Variants in CTIF observed in about 807,000 individuals in gnomAD.
The protein encoded by CTIF is CBP80/20-dependent translation initiation factor.
CTIF carries 21 observed loss-of-function variants against 66.0 expected under a neutral mutation model. The observed-to-expected ratio is 0.32, with a 90% confidence interval of 0.23 to 0.46. The LOEUF (loss-of-function observed/expected upper bound fraction) is 0.46, where lower values mean the gene tolerates loss of function less well. Ranked by LOEUF, CTIF falls within the 20% of genes least tolerant of loss-of-function variation. The probability of loss-of-function intolerance (pLI) is 1.00; values close to 1 mark genes in which losing one functional copy is unlikely to be tolerated. For missense variants in CTIF, 739 were observed against 812.7 expected, an observed-to-expected ratio of 0.91 and a Z score of 1.10; for synonymous variants, 345 against 326.4, an observed-to-expected ratio of 1.06 and a Z score of -0.62.
intron 6 of CTIF, among the ~76,000 whole-genome samples, chr18:48,682,635 G>A (rs545562472): frequency 2.0e-5 from 3 of 152,320 alleles, no homozygotes; most frequent in South Asian, 4.1e-4. Flanking sequence ...TTTTTGGTTG[G>A]TTGGTTTTTA....
chr18:48,553,056 C>A (rs2088923792), intron 1 of CTIF, among the ~76,000 whole-genome samples: 1 of 152,218 alleles, frequency 6.6e-6, no homozygotes, highest in African/African-American at 2.4e-5. Context: ...CATTTGCCTA[C>A]ACCTGAGGGA....
Position 48,811,432 on chromosome 18 carries a change from A to C in CTIF, c.1372-5789A>C, listed in dbSNP as rs369040117. ...TATTTTTAATTGTAGTTTTAAAATA[A>C]CATAAAATATACTATTTCAAGCATT... On this transcript the variant is annotated intron_variant, in intron 9 of 11. Coordinates refer to ENST00000256413, the MANE Select transcript of CTIF (RefSeq NM_014772.3). Among the ~76,000 whole-genome samples the C allele has an allele frequency of 4.6e-5, 7 of 152,304 alleles. No individual in the cohort carries two copies. The East Asian group carries it at 1.3e-3, about 29-fold the overall frequency.
At chr18:48,855,458 G>A (rs1207643898) in intron 10 of CTIF, among the ~76,000 whole-genome samples, 1 of 152,252 alleles carries the variant, frequency 6.6e-6, no homozygotes, top group African/African-American at 2.4e-5. Context: ...TGAGTTAGAT[G>A]TTGGTTACTG....
chr18:48,544,205 T>C (rs954255697), intron 1 of CTIF, among the ~76,000 whole-genome samples: 1 of 152,230 alleles, frequency 6.6e-6, no homozygotes, highest in Non-Finnish European at 1.5e-5. Flanking sequence ...GGGGCTACTT[T>C]AATACGCTGC....
At chr18:48,602,234 G>T (rs1368308222) in intron 1 of CTIF, among the ~76,000 whole-genome samples, 1 of 152,184 alleles carries the variant, frequency 6.6e-6, no homozygotes, top group Non-Finnish European at 1.5e-5. Flanking sequence ...TAGCAGAAGG[G>T]CCAGAAGACA....
chr18:48,789,996 A>T (rs1008465475), intron 9 of CTIF, among the ~76,000 whole-genome samples: 3 of 152,172 alleles, frequency 2.0e-5, no homozygotes, highest in African/African-American at 7.2e-5. Flanking sequence ...TAGGTGTCTC[A>T]TCTATAAAAT....
intron 3 of CTIF, among the ~76,000 whole-genome samples, chr18:48,646,534 G>A (rs2091034676): frequency 6.6e-6 from 1 of 151,692 alleles, no homozygotes; most frequent in Admixed American, 6.6e-5. Context: ...ATTGCCTAAG[G>A]CCAGGAGTTC....
chr18:48,625,159 A>G, intron 2 of CTIF: 1 of 967,068 alleles, frequency 1.0e-6, no homozygotes, highest in Non-Finnish European at 1.2e-6. Flanking sequence ...CTGCCCTTAA[A>G]TTCATTTTTC....
chr18:48,646,344 C>T lies in CTIF; in HGVS notation c.252+9659C>T, dbSNP rs192035538. The stretch of plus-strand genomic sequence containing the variant: ...AAATATGCAACATCATTAGCCATGA[C>T]GGAGACGCAAATAAAACCCCAACAA... On this transcript the variant is annotated intron_variant, in intron 3 of 11. Coordinates refer to ENST00000256413, the MANE Select transcript of CTIF (RefSeq NM_014772.3). 2.1e-4 allele frequency among the ~76,000 whole-genome samples: 32 copies of T among 152,044 alleles called. No homozygotes were observed. In the East Asian group the frequency reaches 3.7e-3, roughly 17 times the overall value.
chr18:48,581,422 CCCATTTCTCTTTTTTT>C (rs1332140895), intron 1 of CTIF, among the ~76,000 whole-genome samples: 1 of 139,194 alleles, frequency 7.2e-6, no homozygotes, highest in Non-Finnish European at 1.5e-5. Context: ...GAGCTTTTTT[CCCATTTCTCTTTTTTT>C]CCATGGCCCA....
intron 6 of CTIF, among the ~76,000 whole-genome samples, chr18:48,699,022 C>T (rs903736754): frequency 2.6e-5 from 4 of 152,156 alleles, no homozygotes; most frequent in African/African-American, 4.8e-5. Context: ...CTCTGTCCCT[C>T]CAGCACCAAG....
At chr18:48,703,762 C>G (rs904652485) in intron 6 of CTIF, among the ~76,000 whole-genome samples, 1 of 152,226 alleles carries the variant, frequency 6.6e-6, no homozygotes, top group African/African-American at 2.4e-5. Context: ...GGGACTCCCC[C>G]TCCACCACCA....
chr18:48,611,969 G>A (rs913151343), intron 1 of CTIF, among the ~76,000 whole-genome samples: 14 of 152,188 alleles, frequency 9.2e-5, no homozygotes, highest in East Asian at 1.9e-4. Context: ...GGGATCAGAC[G>A]TTTAGAGGAC....
At chr18:48,566,437 G>A (rs1268233890) in intron 1 of CTIF, 2 of 152,284 alleles carry the variant, frequency 1.3e-5, no homozygotes, top group African/African-American at 4.8e-5. Context: ...GGGGAAGAGA[G>A]AGAAGGTAAA....
intron 7 of CTIF, among the ~76,000 whole-genome samples, chr18:48,739,346 C>T (rs1024007784): frequency 2.0e-5 from 3 of 152,218 alleles, no homozygotes; most frequent in Non-Finnish European, 2.9e-5. Flanking sequence ...AATGCACTCC[C>T]GTGTCGTGGC....
intron 8 of CTIF, 52 bp downstream of exon 8, chr18:48,758,457 A>T: frequency 6.5e-7 from 1 of 1,544,752 alleles, no homozygotes; most frequent in Non-Finnish European, 8.7e-7. Context: ...GGACAGCAAG[A>T]GGTAGGCACT....
At chr18:48,564,780 A>C (rs1405054219) in intron 1 of CTIF, 1 of 138,870 alleles carries the variant, frequency 7.2e-6, no homozygotes, top group East Asian at 2.4e-4. Flanking sequence ...CACCATACCC[A>C]GCTAATTTTA....
At chr18:48,606,594 C>T (rs1598731128) in intron 1 of CTIF, among the ~76,000 whole-genome samples, 1 of 152,228 alleles carries the variant, frequency 6.6e-6, no homozygotes, top group Non-Finnish European at 1.5e-5. Flanking sequence ...GCACCCTGGA[C>T]AGGACCCAAA....
chr18:48,711,779 G>A (rs923929929), intron 7 of CTIF, 84 bp downstream of exon 7: 20 of 1,176,020 alleles, frequency 1.7e-5, no homozygotes, highest in African/African-American at 9.0e-5. Flanking sequence ...CCTGCATTTC[G>A]CTTTTCCCAG....
Sources: allele counts gnomAD v4.1 joint callset (sites outside exome capture counted in the v4.1 genomes callset), GRCh38; gene constraint gnomAD v4.1.1; transcripts MANE v1.5; gene names NCBI Gene and HGNC (gene_info 2026-07-23, HGNC 2026-07-21).